The following PLD1 variants were observed in gnomAD, a reference collection of about 807,000 sequenced individuals.
PLD1 encodes the protein phospholipase D1, also known as choline phosphatase 1.
Under a neutral mutation model 137.1 loss-of-function variants are expected in PLD1, and 112 were observed. The ratio of observed to expected loss-of-function variants is 0.82; its 90% CI spans 0.70 to 0.96. The LOEUF is 0.96. Among genes scored for constraint, PLD1 ranks in the 40% least tolerant of loss-of-function variants. The pLI is 0.00. For synonymous variants in PLD1, 431 were observed against 454.7 expected (o/e 0.95, Z 0.66); for missense variants, 1,321 against 1,342.0 (o/e 0.98, Z 0.24).
intron 1 of PLD1, chr3:171,764,997 A>T (rs988666412): frequency 6.7e-6 from 1 of 148,980 alleles, no homozygotes; most frequent in Non-Finnish European, 1.5e-5. Context: ...AAAGAAAGAA[A>T]GAAAGAAAGA....
rs1486340317 is a variant in PLD1 at position 171,692,387 on chromosome 3, C to T, written c.1283G>A (p.Gly428Asp). The part of the protein sequence containing the change: ...MLYKEVELAL[G>D]INSEYTKRTL... ...CCTCTTGGTGTATTCACTATTGATG[C>T]CAAGAGCGAGTTCCACCTCTTTGTA... The change falls in exon 13 of 27, where the codon GGC (glycine) becomes GAC (aspartate). Residue 428 changes from glycine (G) to aspartate (D), a missense_variant. Coordinates refer to ENST00000351298, the MANE Select transcript of PLD1 (RefSeq NM_002662.5). 6.2e-7 allele frequency: 1 copy of T among 1,606,988 alleles called. No individual in the cohort carries two copies. Among genetic ancestry groups the T allele is most frequent in the Non-Finnish European group, 8.5e-7 (1 of 1,173,454 alleles).
intron 6 of PLD1, among the ~76,000 whole-genome samples, chr3:171,728,241 G>C (rs952007420): frequency 3.9e-5 from 6 of 152,146 alleles, no homozygotes; most frequent in Admixed American, 3.9e-4. Context: ...ACTTGAACCC[G>C]GGAGGCAGAG....
Position 171,644,941 on chromosome 3 carries a change from C to T in PLD1, c.2512G>A (p.Ala838Thr). The change falls in exon 22 of 27, where the codon GCT becomes ACT. Residue 838 changes from alanine to threonine, a missense_variant. Transcript: ENST00000351298. Reference sequence around the variant, plus strand: ...TTGAAGTGCATGATTGCCTGTAGAGCATTTCCTCCGCCGGTTGAAATGTCT... The same window carrying T: ...TTGAAGTGCATGATTGCCTGTAGAGTATTTCCTCCGCCGGTTGAAATGTCT... Reference protein sequence around the residue: ...EGDISTGGGNALQAIMHFNYR... With the variant: ...EGDISTGGGNTLQAIMHFNYR... The T allele has an allele frequency of 5.0e-6, 8 of 1,613,362 alleles. No homozygotes were observed. The highest frequency in any genetic ancestry group is 6.8e-6 in the Non-Finnish European group (8 of 1,179,286).
chr3:171,620,291 T>C (rs1430275301), intron 24 of PLD1, 95 bp downstream of exon 24: 8 of 830,500 alleles, frequency 9.6e-6, no homozygotes, highest in Non-Finnish European at 1.3e-5. Flanking sequence ...CTGTTTCAAA[T>C]GCAAAGGATG....
intron 23 of PLD1, among the ~76,000 whole-genome samples, chr3:171,631,185 T>C (rs1221665948): frequency 2.0e-5 from 3 of 152,116 alleles, no homozygotes; most frequent in Admixed American, 6.5e-5. Context: ...GTGTATACCC[T>C]TAGGCTAAAG....
At chr3:171,730,779 A>C (rs1718881749) in intron 6 of PLD1, among the ~76,000 whole-genome samples, 2 of 151,774 alleles carry the variant, frequency 1.3e-5, no homozygotes, top group Admixed American at 1.3e-4. Context: ...GCTGGGATTA[A>C]AGGCGCCCAC....
chr3:171,761,001 G>A (rs1441995025), intron 1 of PLD1, among the ~76,000 whole-genome samples: 2 of 152,126 alleles, frequency 1.3e-5, no homozygotes, highest in Non-Finnish European at 1.5e-5. Flanking sequence ...ATGGGGAAAG[G>A]GACATACACA....
chr3:171,784,836 TC>T (rs1227511230), intron 1 of PLD1, among the ~76,000 whole-genome samples: 4 of 152,004 alleles, frequency 2.6e-5, no homozygotes, highest in Non-Finnish European at 2.9e-5. Flanking sequence ...CTATAGAAAC[TC>T]CCCCCTTAGA....
At chr3:171,796,228 G>C (rs544518962) in intron 1 of PLD1, among the ~76,000 whole-genome samples, 1 of 152,340 alleles carries the variant, frequency 6.6e-6, no homozygotes, top group African/African-American at 2.4e-5. Flanking sequence ...GAAAGACAGA[G>C]TTGTGTATAA....
At chr3:171,785,583 C>T (rs1722982294) in intron 1 of PLD1, among the ~76,000 whole-genome samples, 1 of 152,110 alleles carries the variant, frequency 6.6e-6, no homozygotes, top group Admixed American at 6.6e-5. Context: ...GCATTACAGG[C>T]ACGTGCCACC....
Position 171,659,318 on chromosome 3 carries a change from A to G in PLD1, c.2341-17T>C. ...AAACTGGTTCTATGAGAAATAAACA[A>G]GACAATCATGTTAGTCTTTATTTTC... On this transcript the variant is annotated splice_polypyrimidine_tract_variant and intron_variant, in intron 20 of 26. Coordinates refer to ENST00000351298, the MANE Select transcript of PLD1 (RefSeq NM_002662.5). 6.6e-7 allele frequency: 1 copy of G among 1,505,528 alleles called. No homozygotes were observed. The highest frequency in any genetic ancestry group is 1.7e-5 in the Admixed American group (1 of 59,846). The allele number at this position is 1,505,528 out of a possible 1,614,324, so 93.3% of individuals were successfully genotyped here. A position where few individuals can be genotyped will look rare whatever the true frequency, so the allele number is the denominator to read the frequency against.
intron 1 of PLD1, among the ~76,000 whole-genome samples, chr3:171,802,324 C>T (rs927019363): frequency 1.3e-5 from 2 of 152,090 alleles, no homozygotes; most frequent in Non-Finnish European, 2.9e-5. Context: ...GAAAATAACC[C>T]TAGGTGAAAG....
At chr3:171,709,828 G>T in intron 9 of PLD1, 119 bp from the exon 10 acceptor site, 1 of 786,888 alleles carries the variant, frequency 1.3e-6, no homozygotes, top group Non-Finnish European at 2.0e-6. Context: ...CATCAAGAAA[G>T]CAGGCATTTA....
rs1296289623 is a variant in PLD1 at position 171,648,469 on chromosome 3, T to C, written c.2430-3446A>G. Reference sequence around the variant, plus strand: ...TATGTATTTTTTCCTTCTACACAAATATTAGAATACTATAAACACTTTTCT... The same window carrying C: ...TATGTATTTTTTCCTTCTACACAAACATTAGAATACTATAAACACTTTTCT... On this transcript the variant is annotated intron_variant, in intron 21 of 26. Coordinates refer to ENST00000351298, the MANE Select transcript of PLD1 (RefSeq NM_002662.5). Among the ~76,000 whole-genome samples the C allele has an allele frequency of 3.3e-5, 5 of 152,296 alleles. No homozygotes were observed. In the South Asian group the frequency reaches 6.2e-4, roughly 19 times the overall value.
intron 23 of PLD1, among the ~76,000 whole-genome samples, chr3:171,632,428 A>G (rs532910104): frequency 1.3e-5 from 2 of 152,326 alleles, no homozygotes; most frequent in South Asian, 4.1e-4. Context: ...CAATATTTCA[A>G]TAAGGTCTAT....
At chr3:171,697,580 C>A (rs2108536324) in intron 12 of PLD1, among the ~76,000 whole-genome samples, 1 of 152,242 alleles carries the variant, frequency 6.6e-6, no homozygotes, top group South Asian at 2.1e-4. Context: ...ACTAGCAGTT[C>A]CAGCTTAATC....
chr3:171,709,593 T>C lies in PLD1; in HGVS notation c.1028A>G (p.Tyr343Cys), dbSNP rs775884976. ...TAAAGCATTCTCTTGGATAGCAGCA[T>C]ATGACCCAAATCGATGATCTTTGAG... ...NFLKDHRFGS[Y>C]AAIQENALAK... Residue 343 changes from tyrosine (Y) to cysteine (C), a missense_variant, in exon 10 of 27, where the codon TAT becomes TGT. Tyr to Cys is a radical substitution (Grantham distance 194). Transcript: ENST00000351298. 6.2e-7 allele frequency: 1 copy of C among 1,614,134 alleles called. No homozygotes were observed.
At chr3:171,745,035 CT>C (rs1361104664) in intron 1 of PLD1, among the ~76,000 whole-genome samples, 1 of 152,172 alleles carries the variant, frequency 6.6e-6, no homozygotes, top group Non-Finnish European at 1.5e-5. Flanking sequence ...TTTGGACGAC[CT>C]TTTAAAAACA....
intron 23 of PLD1, among the ~76,000 whole-genome samples, chr3:171,623,377 T>G (rs1578126139): frequency 6.7e-6 from 1 of 149,070 alleles, no homozygotes; most frequent in East Asian, 2.0e-4. Flanking sequence ...TGCAGTGGCG[T>G]GATCTCGACT....
Sources: allele counts gnomAD v4.1 joint callset (sites outside exome capture counted in the v4.1 genomes callset), GRCh38; gene constraint gnomAD v4.1.1; transcripts MANE v1.5; gene names NCBI Gene and HGNC (gene_info 2026-07-23, HGNC 2026-07-21).